Variants in BAHD1 observed in about 807,000 individuals in gnomAD.
BAHD1 encodes bromo adjacent homology domain containing 1, also known as bromo adjacent homology domain-containing 1 protein.
Under a neutral mutation model 63.1 loss-of-function variants are expected in BAHD1, and 20 were observed. The ratio of observed to expected loss-of-function variants is 0.32; its 90% CI spans 0.22 to 0.46. The LOEUF (loss-of-function observed/expected upper bound fraction) is 0.46. Among genes scored for constraint, BAHD1 ranks in the 20% least tolerant of loss-of-function variants. BAHD1 has a pLI of 1.00. For missense variants in BAHD1, 939 were observed against 1,071.8 expected (o/e 0.88, Z 1.73); for synonymous variants, 408 against 426.8 (o/e 0.96, Z 0.54).
chr15:40,459,634 T>TG lies in BAHD1; in HGVS notation c.1175dup (p.Tyr393LeufsTer9), dbSNP rs1344913504. ...ACTGTGGCCAAGAGGGGCTGCAGTG[T>TG]GGGGGCTACTCGCCCTGCCCCATGC... On this transcript the variant is annotated frameshift_variant, in exon 2 of 7. Coordinates refer to ENST00000416165, the MANE Select transcript of BAHD1 (RefSeq NM_014952.5). LOFTEE classifies it high-confidence loss of function. 6.2e-7 allele frequency: 1 copy of TG among 1,614,016 alleles called. No homozygotes were observed. The highest frequency in any genetic ancestry group is 1.3e-5 in the African/African-American group (1 of 74,944).
At chr15:40,445,356 G>C (rs765174243) in intron 1 of BAHD1, among the ~76,000 whole-genome samples, 2 of 151,652 alleles carry the variant, frequency 1.3e-5, no homozygotes, top group Non-Finnish European at 2.9e-5. Context: ...TAGTAAACCT[G>C]GAAGGAATTC....
At chr15:40,455,894 A>G (rs1362764001) in intron 1 of BAHD1, among the ~76,000 whole-genome samples, 1 of 152,224 alleles carries the variant, frequency 6.6e-6, no homozygotes, top group Non-Finnish European at 1.5e-5. Context: ...TTCTCGTTGC[A>G]TGCTCCTCCA....
chr15:40,459,146 G>C lies in BAHD1; in HGVS notation c.682G>C (p.Ala228Pro). ...GGAGCTACCCCTGCGGCTGCCTCGT[G>C]CCCATGCAGAAGTAGATGGGCGCTC... ...ERELPLRLPR[A>P]HAEVDGRSTE... Residue 228 changes from alanine to proline, a missense_variant, in exon 2 of 7, where the codon GCC (alanine) becomes CCC (proline). Physicochemically the swap from Ala to Pro is conservative, Grantham distance 27. Transcript: ENST00000416165. The C allele has an allele frequency of 3.1e-6, 5 of 1,613,152 alleles. No individual in the cohort carries two copies. Among genetic ancestry groups the C allele is most frequent in the Non-Finnish European group, 3.4e-6 (4 of 1,179,978 alleles).
intron 2 of BAHD1, among the ~76,000 whole-genome samples, chr15:40,461,167 A>G (rs1386577554): frequency 6.6e-6 from 1 of 152,172 alleles, no homozygotes; most frequent in Non-Finnish European, 1.5e-5. Context: ...AAATGGGTGT[A>G]ATGATACCTA....
chr15:40,451,991 C>G (rs1893718639), intron 1 of BAHD1, among the ~76,000 whole-genome samples: 1 of 152,232 alleles, frequency 6.6e-6, no homozygotes, highest in African/African-American at 2.4e-5. Context: ...ACACAATGCT[C>G]TCTGCCCACT....
At chr15:40,460,878 T>G (rs931350589) in intron 2 of BAHD1, among the ~76,000 whole-genome samples, 8 of 152,222 alleles carry the variant, frequency 5.3e-5, no homozygotes, top group African/African-American at 1.9e-4. Context: ...AGAGTTCTTA[T>G]GACATGAGAA....
At chr15:40,455,796 G>A (rs186563187) in intron 1 of BAHD1, among the ~76,000 whole-genome samples, 2 of 152,344 alleles carry the variant, frequency 1.3e-5, no homozygotes, top group East Asian at 3.9e-4. Flanking sequence ...TGCATGGTCT[G>A]TTCACTTATC....
intron 1 of BAHD1, among the ~76,000 whole-genome samples, chr15:40,449,331 G>A (rs533621697): frequency 6.6e-6 from 1 of 152,220 alleles, no homozygotes; most frequent in Non-Finnish European, 1.5e-5. Flanking sequence ...CACTTAGGGT[G>A]TCTGGGGACT....
chr15:40,451,520 C>T (rs146219250), intron 1 of BAHD1, among the ~76,000 whole-genome samples: 26 of 152,370 alleles, frequency 1.7e-4, no homozygotes, highest in African/African-American at 6.0e-4. Context: ...TGAGAACCTG[C>T]TGTATTCCAG....
intron 1 of BAHD1, among the ~76,000 whole-genome samples, chr15:40,452,913 A>G (rs1283838738): frequency 6.6e-6 from 1 of 152,218 alleles, no homozygotes; most frequent in African/African-American, 2.4e-5. Context: ...AAGGAGTGTC[A>G]TCATCATTAT....
Position 40,466,058 on chromosome 15 carries a change from C to A in BAHD1, c.2271C>A (p.Asp757Glu). The A allele has an allele frequency of 6.2e-7, 1 of 1,614,172 alleles. No individual in the cohort carries two copies. Residue 757 changes from aspartate (D) to glutamate (E), a missense_variant, in exon 7 of 7, where the codon GAC (aspartate) becomes GAA (glutamate). By Grantham distance (45) the Asp-to-Glu change is conservative. Coordinates refer to ENST00000416165, the MANE Select transcript of BAHD1 (RefSeq NM_014952.5). ...PPHRTVPEDT[D>E]PELVFLCRHV... ...ACCGCACAGTGCCAGAGGACACGGA[C>A]CCTGAGCTGGTGTTCCTTTGCCGCC... is the stretch of plus-strand genomic sequence containing the variant.
rs1409836972 is a variant in BAHD1, at chr15:40,458,757, A to T, written c.293A>T (p.Lys98Met). 5 of 1,613,086 alleles carry T rather than the reference A, an allele frequency of 3.1e-6. No homozygotes were observed. Among genetic ancestry groups the T allele is most frequent in the Non-Finnish European group, 4.2e-6 (5 of 1,180,018 alleles). ...EADELPPDLP[K>M]PPSPAPSSED... is the part of the protein sequence containing the mutation. ...GATGAGCTACCGCCTGACCTGCCCA[A>T]GCCCCCCAGCCCGGCCCCATCCAGT... The change falls in exon 2 of 7, where the codon AAG (lysine) becomes ATG (methionine). Residue 98 changes from lysine (K) to methionine (M), a missense_variant. Physicochemically the swap from Lys to Met is moderately conservative, Grantham distance 95. This residue lies in a region of BAHD1 where 797 missense variants were observed against 813.3 expected (regional missense o/e 0.98). Coordinates refer to ENST00000416165, the MANE Select transcript of BAHD1 (RefSeq NM_014952.5). The surrounding 1 kb of genome is among the most constrained non-coding windows in gnomAD (Gnocchi z 4.7).
chr15:40,468,201 A>G lies in BAHD1; in HGVS notation c.*2071A>G, dbSNP rs900181377. The G allele has an allele frequency of 4.6e-5, 7 of 152,588 alleles. No individual in the cohort carries two copies. Among genetic ancestry groups the G allele is most frequent in the Non-Finnish European group, 8.8e-5 (6 of 68,042 alleles). 9.5% of individuals were successfully genotyped at this position (152,588 alleles called of 1,614,324 possible). ...ATTAGAAGTACTTCTTTAAGAAAAAAATAAATTTGAGAAATTGTATTGATT... is the reference window on the plus strand; with the variant it reads ...ATTAGAAGTACTTCTTTAAGAAAAAGATAAATTTGAGAAATTGTATTGATT... On this transcript the variant is annotated 3_prime_UTR_variant, in exon 7 of 7. Transcript: ENST00000416165.
chr15:40,466,341 C>CG lies in BAHD1; in HGVS notation c.*211_*212insG, dbSNP rs1302936170. 1 of 469,328 alleles carries CG rather than the reference C, an allele frequency of 2.1e-6. No homozygotes were observed. Among genetic ancestry groups the CG allele is most frequent in the Non-Finnish European group, 3.7e-6 (1 of 266,750 alleles). 29.1% of individuals were successfully genotyped at this position (469,328 alleles called of 1,614,324 possible). On this transcript the variant is annotated 3_prime_UTR_variant, in exon 7 of 7. Transcript: ENST00000416165. ...AGGGTATAAGAAAAGCATCAGAACT[C>CG]TCAGCTTGGCCCAAGGTACCTTCTG...
At chr15:40,455,591 G>A (rs931225802) in intron 1 of BAHD1, among the ~76,000 whole-genome samples, 3 of 152,214 alleles carry the variant, frequency 2.0e-5, no homozygotes, top group African/African-American at 7.2e-5. Context: ...CCCCTGCTAA[G>A]AACGCTTCCA....
At chr15:40,446,476 G>A (rs1487427808) in intron 1 of BAHD1, among the ~76,000 whole-genome samples, 2 of 152,104 alleles carry the variant, frequency 1.3e-5, no homozygotes, top group African/African-American at 4.8e-5. Context: ...TTTTCCCAGT[G>A]GGAAACACCT....
chr15:40,465,576 A>T, intron 6 of BAHD1, 141 bp downstream of exon 6: 1 of 703,146 alleles, frequency 1.4e-6, no homozygotes, highest in South Asian at 1.8e-5. Context: ...CCCAGAACTT[A>T]CTTCCCTATT....
intron 1 of BAHD1, among the ~76,000 whole-genome samples, chr15:40,441,562 T>G (rs1732928252): frequency 6.7e-6 from 1 of 149,292 alleles, no homozygotes; most frequent in African/African-American, 2.4e-5. Flanking sequence ...GCCGCCCGCC[T>G]TGCAGGCCGG....
intron 1 of BAHD1, among the ~76,000 whole-genome samples, chr15:40,443,796 A>T (rs1296349088): frequency 1.3e-5 from 2 of 151,120 alleles, no homozygotes; most frequent in African/African-American, 4.9e-5. Context: ...TCCCGGTGTC[A>T]CTCCCTTTCT....
Sources: gnomAD v4.1 joint callset for allele counts (sites outside exome capture counted in the v4.1 genomes callset) on GRCh38, gnomAD v4.1.1 for gene constraint, gnomAD v4.1.1 regional missense constraint, Gnocchi (gnomAD v3.1) non-coding constraint, MANE v1.5 for transcripts, NCBI Gene and HGNC (gene_info 2026-07-23, HGNC 2026-07-21) for gene names.